MITF: variants seen among roughly 807,000 people sequenced by gnomAD.
The protein encoded by MITF is microphthalmia-associated transcription factor.
A neutral mutation model predicts 60.5 loss-of-function variants in MITF; 17 were observed. The ratio of observed to expected loss-of-function variants is 0.28; its 90% CI spans 0.19 to 0.42. The LOEUF (loss-of-function observed/expected upper bound fraction) is 0.42. Ranked by LOEUF, MITF falls within the 10% of genes least tolerant of loss-of-function variation. The pLI, the probability that MITF is intolerant of heterozygous loss-of-function variation, is 1.00. For missense variants in MITF, 622 were observed against 683.5 expected (o/e 0.91, Z 1.00); for synonymous variants, 260 against 248.5 (o/e 1.05, Z -0.43).
intron 1 of MITF, among the ~76,000 whole-genome samples, chr3:69,798,506 C>A (rs2062866946): frequency 6.6e-6 from 1 of 152,212 alleles, no homozygotes; most frequent in Admixed American, 6.5e-5. Context: ...GTGATAGCTG[C>A]TACTATTATT....
At chr3:69,928,687 G>T (rs2065648469) in intron 2 of MITF, among the ~76,000 whole-genome samples, 1 of 152,168 alleles carries the variant, frequency 6.6e-6, no homozygotes, top group African/African-American at 2.4e-5. Context: ...TCTGGTTTGA[G>T]AAACCAGATT....
intron 1 of MITF, among the ~76,000 whole-genome samples, chr3:69,865,872 C>A (rs575128754): frequency 6.6e-6 from 1 of 152,210 alleles, no homozygotes; most frequent in African/African-American, 2.4e-5. Flanking sequence ...CTCCTAGATT[C>A]TGTGACTCCA....
intron 1 of MITF, among the ~76,000 whole-genome samples, chr3:69,852,334 C>T (rs1286850111): frequency 6.6e-6 from 1 of 152,224 alleles, no homozygotes; most frequent in South Asian, 2.1e-4. Flanking sequence ...TAGTCAACCC[C>T]TCTTCTAAGT....
chr3:69,899,418 A>G (rs1380587478), intron 2 of MITF, among the ~76,000 whole-genome samples: 1 of 152,162 alleles, frequency 6.6e-6, no homozygotes, highest in South Asian at 2.1e-4. Flanking sequence ...TTTAAGAGCA[A>G]TGGGAAGCCA....
At chr3:69,761,797 T>A (rs1341159502) in intron 1 of MITF, among the ~76,000 whole-genome samples, 1 of 152,222 alleles carries the variant, frequency 6.6e-6, no homozygotes, top group African/African-American at 2.4e-5. Flanking sequence ...CACAAGGGTG[T>A]GGTATATAAG....
intron 1 of MITF, among the ~76,000 whole-genome samples, chr3:69,741,053 G>T (rs562645805): frequency 6.6e-6 from 1 of 152,218 alleles, no homozygotes; most frequent in Non-Finnish European, 1.5e-5. Context: ...GACTGCCATT[G>T]CTGAAGACTC....
At chr3:69,948,662 G>A (rs2066161828) in intron 5 of MITF, among the ~76,000 whole-genome samples, 1 of 152,028 alleles carries the variant, frequency 6.6e-6, no homozygotes, top group Non-Finnish European at 1.5e-5. Context: ...TGGTGAAAAG[G>A]TCATTTTATA....
At chr3:69,850,937 T>A (rs2063814211) in intron 1 of MITF, among the ~76,000 whole-genome samples, 1 of 152,158 alleles carries the variant, frequency 6.6e-6, no homozygotes, top group Admixed American at 6.5e-5. Context: ...GCTGGGCCCA[T>A]CACTTGCCAC....
chr3:69,944,918 A>T (rs1372884967), intron 5 of MITF, among the ~76,000 whole-genome samples: 1 of 152,132 alleles, frequency 6.6e-6, no homozygotes, highest in Non-Finnish European at 1.5e-5. Flanking sequence ...AGTAAAGTTT[A>T]ATGTTCTTCG....
chr3:69,884,804 T>C (rs569606679), intron 2 of MITF, among the ~76,000 whole-genome samples: 1 of 152,180 alleles, frequency 6.6e-6, no homozygotes, highest in Non-Finnish European at 1.5e-5. Flanking sequence ...TAGCTAGTAA[T>C]GAAATGCTGG....
At chr3:69,771,559 A>G (rs1041200781) in intron 1 of MITF, among the ~76,000 whole-genome samples, 6 of 152,370 alleles carry the variant, frequency 3.9e-5, no homozygotes, top group Admixed American at 2.6e-4. Context: ...TGCTTCAGCC[A>G]TCATAGATTT....
At chr3:69,867,717 A>G (rs552155190) in intron 1 of MITF, among the ~76,000 whole-genome samples, 4 of 152,362 alleles carry the variant, frequency 2.6e-5, no homozygotes, top group Admixed American at 1.3e-4. Context: ...TTTTAATATT[A>G]ATAATGGATG....
intron 1 of MITF, among the ~76,000 whole-genome samples, chr3:69,810,070 TA>T (rs2063076261): frequency 6.6e-6 from 1 of 152,180 alleles, no homozygotes; most frequent in African/African-American, 2.4e-5. Context: ...AGTTTTCTTG[TA>T]TGTGCCCTAA....
intron 2 of MITF, among the ~76,000 whole-genome samples, chr3:69,907,974 A>G (rs1646171203): frequency 6.6e-6 from 1 of 152,204 alleles, no homozygotes; most frequent in Admixed American, 6.5e-5. Context: ...TATTATTTTA[A>G]GAGTTTCATT....
At chr3:69,835,645 T>C (rs918209897) in intron 1 of MITF, among the ~76,000 whole-genome samples, 1 of 152,168 alleles carries the variant, frequency 6.6e-6, no homozygotes, top group Non-Finnish European at 1.5e-5. Flanking sequence ...TTTGAGTTGA[T>C]TTTTGTATAT....
chr3:69,828,668 A>G (rs1449606471), intron 1 of MITF, among the ~76,000 whole-genome samples: 6 of 152,166 alleles, frequency 3.9e-5, no homozygotes, highest in African/African-American at 1.4e-4. Flanking sequence ...GAGTCTCATT[A>G]TAATGATTCC....
chr3:69,765,628 T>G (rs1264441673), intron 1 of MITF, among the ~76,000 whole-genome samples: 1 of 152,218 alleles, frequency 6.6e-6, no homozygotes, highest in Non-Finnish European at 1.5e-5. Context: ...GAATATTTGC[T>G]GTAAGCTGGT....
intron 2 of MITF, among the ~76,000 whole-genome samples, chr3:69,904,589 C>G (rs2065059070): frequency 6.6e-6 from 1 of 152,180 alleles, no homozygotes; most frequent in African/African-American, 2.4e-5. Flanking sequence ...TCTACTCACT[C>G]CTTCCGTAGA....
At chr3:69,925,834 A>G (rs919542299) in intron 2 of MITF, among the ~76,000 whole-genome samples, 5 of 152,020 alleles carry the variant, frequency 3.3e-5, no homozygotes, top group Admixed American at 3.3e-4. Context: ...GTTCCACCCA[A>G]CTTGTTGCTT....
Sources: allele counts gnomAD v4.1 joint callset (sites outside exome capture counted in the v4.1 genomes callset), GRCh38; gene constraint gnomAD v4.1.1; transcripts MANE v1.5; gene names NCBI Gene and HGNC (gene_info 2026-07-23, HGNC 2026-07-21).